Variants in ANO6 observed in about 807,000 individuals in gnomAD.
ANO6 encodes the protein anoctamin-6.
A neutral mutation model predicts 117.5 loss-of-function variants in ANO6; 106 were observed. The observed-to-expected ratio is 0.90, with a 90% CI of 0.77 to 1.06. The LOEUF is 1.06. Among genes scored for constraint, ANO6 ranks in the 50% least tolerant of loss-of-function variants. The probability of loss-of-function intolerance (pLI) is 0.00; values close to 1 mark genes in which losing one functional copy is unlikely to be tolerated. For synonymous variants in ANO6, 367 were observed against 385.1 expected (o/e 0.95, Z 0.55); for missense variants, 955 against 1,121.1 (o/e 0.85, Z 2.12).
At chr12:45,316,626 A>T (rs182999685) in intron 2 of ANO6, among the ~76,000 whole-genome samples, 1 of 152,080 alleles carries the variant, frequency 6.6e-6, no homozygotes, top group Non-Finnish European at 1.5e-5. Context: ...TGGTTATATT[A>T]AATACTTGGA....
chr12:45,367,819 A>G, intron 9 of ANO6, 26 bp downstream of exon 9: 2 of 1,531,710 alleles, frequency 1.3e-6, no homozygotes, highest in Non-Finnish European at 1.8e-6. Flanking sequence ...GCCAATATTT[A>G]CACCTAATGA....
intron 9 of ANO6, among the ~76,000 whole-genome samples, chr12:45,375,598 A>G (rs1261291561): frequency 1.3e-5 from 2 of 152,226 alleles, no homozygotes; most frequent in African/African-American, 4.8e-5. Flanking sequence ...AAAACAAGCA[A>G]TGGGGAAAGG....
rs1312091076 is a variant in ANO6 at position 45,367,943 on chromosome 12, A to C, written c.1104+150A>C. On this transcript the variant is annotated intron_variant, in intron 9 of 19. Coordinates refer to ENST00000320560, the MANE Select transcript of ANO6 (RefSeq NM_001025356.3). Reference sequence around the variant, plus strand: ...TCAAACATTCTGGACATTAATATACAATGCTTTATTCCTCTTTTACAAATA... The same window carrying C: ...TCAAACATTCTGGACATTAATATACCATGCTTTATTCCTCTTTTACAAATA... 10 of 656,570 alleles carry C rather than the reference A, an allele frequency of 1.5e-5. No homozygotes were observed. In the East Asian group the frequency reaches 2.7e-4, roughly 18 times the overall value. 40.7% of individuals were successfully genotyped at this position (656,570 alleles called of 1,614,324 possible).
chr12:45,295,992 C>T (rs1473457312), intron 1 of ANO6, among the ~76,000 whole-genome samples: 1 of 152,066 alleles, frequency 6.6e-6, no homozygotes, highest in Non-Finnish European at 1.5e-5. Flanking sequence ...TCCTGAGTAG[C>T]TGGGACTACA....
intron 12 of ANO6, among the ~76,000 whole-genome samples, chr12:45,391,688 G>A (rs7304126): frequency 0.13 from 20,521 of 152,110 alleles, 1,882 homozygotes; most frequent in East Asian, 0.46. Context: ...CCAACATGGC[G>A]AAACCCTGTC....
At chr12:45,366,015 T>C (rs1941675069) in intron 8 of ANO6, among the ~76,000 whole-genome samples, 1 of 152,168 alleles carries the variant, frequency 6.6e-6, no homozygotes, top group Non-Finnish European at 1.5e-5. Flanking sequence ...CCTTAGTTAT[T>C]TGTAAGACCA....
intron 1 of ANO6, among the ~76,000 whole-genome samples, chr12:45,217,684 C>T (rs1317499169): frequency 6.6e-6 from 1 of 152,222 alleles, no homozygotes; most frequent in Non-Finnish European, 1.5e-5. Flanking sequence ...GGTTTTCTGA[C>T]TTGTAAAACC....
intron 3 of ANO6, among the ~76,000 whole-genome samples, chr12:45,334,361 G>A (rs1940763903): frequency 6.6e-6 from 1 of 152,052 alleles, no homozygotes; most frequent in Non-Finnish European, 1.5e-5. Flanking sequence ...TTCTGGATTA[G>A]TTTATTGGCT....
intron 1 of ANO6, among the ~76,000 whole-genome samples, chr12:45,234,003 A>G (rs1947611177): frequency 1.3e-5 from 2 of 152,230 alleles, no homozygotes; most frequent in South Asian, 2.1e-4. Context: ...TAAATCTTGA[A>G]GTATTCGTTT....
chr12:45,350,623 G>A (rs775487578), intron 6 of ANO6, 36 bp from the exon 7 acceptor site: 34 of 1,524,614 alleles, frequency 2.2e-5, no homozygotes, highest in Non-Finnish European at 2.9e-5. Context: ...AAAACACGAT[G>A]ATTATGGTGC....
chr12:45,390,214 C>T lies in ANO6; in HGVS notation c.1309-207C>T, dbSNP rs1290437099. ...ACAGTTTATTCATGCTTGCATTTTC[C>T]AAAAACTTATTAAAATGAACACTGC... On this transcript the variant is annotated intron_variant, in intron 11 of 19. Transcript: ENST00000320560. 2.6e-5 allele frequency among the ~76,000 whole-genome samples: 4 copies of T among 152,160 alleles called. No individual in the cohort carries two copies. The East Asian group carries it at 7.7e-4, about 29-fold the overall frequency.
At chr12:45,304,535 CA>C (rs1939601849) in intron 2 of ANO6, among the ~76,000 whole-genome samples, 1 of 152,150 alleles carries the variant, frequency 6.6e-6, no homozygotes, top group African/African-American at 2.4e-5. Flanking sequence ...GGTCCAACTG[CA>C]GTTTGTGGAG....
intron 1 of ANO6, among the ~76,000 whole-genome samples, chr12:45,220,658 G>T (rs1326199879): frequency 6.6e-6 from 1 of 152,222 alleles, no homozygotes; most frequent in African/African-American, 2.4e-5. Flanking sequence ...CATTCTTCCA[G>T]TTTCTTGGCA....
At chr12:45,407,415 C>T (rs949015234) in intron 15 of ANO6, among the ~76,000 whole-genome samples, 3 of 150,036 alleles carry the variant, frequency 2.0e-5, no homozygotes, top group African/African-American at 7.4e-5. Flanking sequence ...AAACCACACC[C>T]AGTGACCTTA....
intron 3 of ANO6, among the ~76,000 whole-genome samples, chr12:45,345,386 A>G (rs1434813299): frequency 6.6e-6 from 1 of 152,046 alleles, no homozygotes; most frequent in Admixed American, 6.5e-5. Flanking sequence ...TAGCACAGCA[A>G]CTCATCCCCA....
rs574756695 is a variant in ANO6, at chr12:45,258,803, T to G, written c.70+42412T>G. 3.3e-4 allele frequency among the ~76,000 whole-genome samples: 51 copies of G among 152,336 alleles called. 1 individual carries two copies. The South Asian group carries it at 0.011, about 32-fold the overall frequency. On this transcript the variant is annotated intron_variant, in intron 1 of 19. Coordinates refer to ENST00000320560, the MANE Select transcript of ANO6 (RefSeq NM_001025356.3). ...TGTGTGTTTGTTTCCCCCAAAGGAA[T>G]GTTTTCCTCCAGAATAGAGACTGTA... is the stretch of plus-strand genomic sequence containing the variant.
intron 2 of ANO6, among the ~76,000 whole-genome samples, chr12:45,330,985 C>T (rs1022024135): frequency 2.0e-5 from 3 of 151,750 alleles, no homozygotes; most frequent in African/African-American, 7.3e-5. Flanking sequence ...TGTTCGTTTT[C>T]AATCTTGATA....
At chr12:45,248,007 A>G (rs1391139496) in intron 1 of ANO6, among the ~76,000 whole-genome samples, 1 of 152,234 alleles carries the variant, frequency 6.6e-6, no homozygotes, top group South Asian at 2.1e-4. Context: ...TTTATAATCT[A>G]TATTGTCTCA....
At chr12:45,379,780 A>G (rs1211932414) in intron 10 of ANO6, among the ~76,000 whole-genome samples, 1 of 152,206 alleles carries the variant, frequency 6.6e-6, no homozygotes, top group African/African-American at 2.4e-5. Flanking sequence ...TAACTACACC[A>G]TGGTTATAGA....
Sources: allele counts gnomAD v4.1 joint callset (sites outside exome capture counted in the v4.1 genomes callset), GRCh38; gene constraint gnomAD v4.1.1; transcripts MANE v1.5; gene names NCBI Gene and HGNC (gene_info 2026-07-23, HGNC 2026-07-21).